Variants in SLC35F1 observed in about 807,000 individuals in gnomAD.
The protein encoded by SLC35F1 is chromosome 6 open reading frame 169.
In SLC35F1, 14 loss-of-function variants were observed where a neutral mutation model predicts 48.7. That is an observed-to-expected ratio of 0.29 (90% confidence interval 0.19 to 0.45). The LOEUF (loss-of-function observed/expected upper bound fraction) is 0.45, where lower values mean the gene tolerates loss of function less well. Among genes scored for constraint, SLC35F1 ranks in the 20% least tolerant of loss-of-function variants. The pLI is 1.00. For synonymous variants in SLC35F1, 190 were observed against 202.2 expected (o/e 0.94, Z 0.51); for missense variants, 404 against 500.0 (o/e 0.81, Z 1.83).
intron 7 of SLC35F1, among the ~76,000 whole-genome samples, chr6:118,299,875 C>T (rs1776235745): frequency 6.6e-6 from 1 of 152,200 alleles, no homozygotes; most frequent in African/African-American, 2.4e-5. Context: ...ACCAGTTACA[C>T]AGCCTCGTGC....
At chr6:117,973,647 G>A (rs1421373768) in intron 1 of SLC35F1, among the ~76,000 whole-genome samples, 2 of 151,968 alleles carry the variant, frequency 1.3e-5, no homozygotes, top group African/African-American at 4.8e-5. Flanking sequence ...TTGCAGCCTA[G>A]AACTCCTAGG....
At chr6:118,184,247 C>T (rs1774624931) in intron 2 of SLC35F1, among the ~76,000 whole-genome samples, 1 of 152,148 alleles carries the variant, frequency 6.6e-6, no homozygotes, top group African/African-American at 2.4e-5. Context: ...GTGCCAGTGT[C>T]CTGGAAAAAC....
chr6:118,264,838 C>T (rs78017252), intron 3 of SLC35F1, among the ~76,000 whole-genome samples: 6,082 of 152,320 alleles, frequency 0.04, 422 homozygotes, highest in African/African-American at 0.14. Context: ...ACTGAAATAG[C>T]ATCTGAGGCT....
intron 1 of SLC35F1, among the ~76,000 whole-genome samples, chr6:117,924,519 T>TAC (rs1776002935): frequency 8.3e-6 from 1 of 120,852 alleles, no homozygotes; most frequent in Non-Finnish European, 1.8e-5. Flanking sequence ...TATACATATA[T>TAC]ATATGTCAAG....
At chr6:118,140,593 C>CTTTTGTT (rs746621686) in intron 1 of SLC35F1, among the ~76,000 whole-genome samples, 1 of 94,412 alleles carries the variant, frequency 1.1e-5, no homozygotes, top group Non-Finnish European at 2.4e-5. Context: ...GAGTGTATTC[C>CTTTTGTT]TTATATTTTT....
At chr6:118,180,527 C>T (rs1196453531) in intron 2 of SLC35F1, among the ~76,000 whole-genome samples, 1 of 151,680 alleles carries the variant, frequency 6.6e-6, no homozygotes, top group Non-Finnish European at 1.5e-5. Context: ...AAAAAAACAA[C>T]AAATAGAATT....
intron 1 of SLC35F1, among the ~76,000 whole-genome samples, chr6:117,972,066 C>T (rs1377864170): frequency 6.6e-6 from 1 of 152,216 alleles, no homozygotes; most frequent in East Asian, 1.9e-4. Flanking sequence ...CTTTCATGCT[C>T]TGCTTCCTTT....
chr6:118,007,423 T>C (rs371244528), intron 1 of SLC35F1, among the ~76,000 whole-genome samples: 6 of 152,128 alleles, frequency 3.9e-5, no homozygotes, highest in Admixed American at 2.6e-4. Flanking sequence ...TGCTAGGCAA[T>C]GGAGGGCATG....
At chr6:117,913,543 A>G (rs977324394) in intron 1 of SLC35F1, among the ~76,000 whole-genome samples, 1 of 152,224 alleles carries the variant, frequency 6.6e-6, no homozygotes, top group Non-Finnish European at 1.5e-5. Flanking sequence ...TCAATATGCA[A>G]TGCGTATTAA....
intron 2 of SLC35F1, among the ~76,000 whole-genome samples, chr6:118,219,258 T>C (rs1387943264): frequency 2.0e-5 from 3 of 152,248 alleles, no homozygotes; most frequent in African/African-American, 7.2e-5. Flanking sequence ...TTTCAGGATT[T>C]ATTTGTAATA....
intron 1 of SLC35F1, among the ~76,000 whole-genome samples, chr6:118,129,838 C>G (rs559072938): frequency 6.6e-6 from 1 of 152,160 alleles, no homozygotes; most frequent in South Asian, 2.1e-4. Context: ...GAATCCTATA[C>G]TGTGCCTTCT....
At chr6:118,138,781 A>G (rs1773836980) in intron 1 of SLC35F1, among the ~76,000 whole-genome samples, 1 of 152,084 alleles carries the variant, frequency 6.6e-6, no homozygotes, top group Non-Finnish European at 1.5e-5. Flanking sequence ...CATTTCATGC[A>G]TAAACAACCT....
intron 1 of SLC35F1, among the ~76,000 whole-genome samples, chr6:117,954,009 T>C (rs1776396154): frequency 6.6e-6 from 1 of 152,206 alleles, no homozygotes; most frequent in African/African-American, 2.4e-5. Flanking sequence ...TTCAGCCTTA[T>C]AGATTTCAAA....
chr6:118,247,221 T>C (rs184250090), intron 3 of SLC35F1, among the ~76,000 whole-genome samples: 51 of 152,346 alleles, frequency 3.3e-4, no homozygotes, highest in African/African-American at 1.1e-3. Flanking sequence ...AGTGAAAGAA[T>C]TTGCTGGAGA....
intron 3 of SLC35F1, among the ~76,000 whole-genome samples, chr6:118,264,474 C>G (rs1445102509): frequency 6.6e-6 from 1 of 152,186 alleles, no homozygotes; most frequent in South Asian, 2.1e-4. Context: ...TTTGCACTTA[C>G]CCACAGGACC....
At chr6:118,115,112 A>G (rs1253868396) in intron 1 of SLC35F1, among the ~76,000 whole-genome samples, 1 of 152,220 alleles carries the variant, frequency 6.6e-6, no homozygotes, top group Admixed American at 6.5e-5. Flanking sequence ...TGGCTGGTCC[A>G]GCAGAGTGTT....
intron 1 of SLC35F1, among the ~76,000 whole-genome samples, chr6:117,923,734 T>C (rs1326778503): frequency 1.3e-3 from 114 of 89,842 alleles, no homozygotes; most frequent in African/African-American, 4.4e-3. Flanking sequence ...TACATATGTA[T>C]ATATACATAT....
At chr6:118,142,273 A>C (rs1411796331) in intron 1 of SLC35F1, among the ~76,000 whole-genome samples, 1 of 152,158 alleles carries the variant, frequency 6.6e-6, no homozygotes, top group Admixed American at 6.5e-5. Flanking sequence ...AATTTAATGT[A>C]TATATTTAAG....
chr6:118,313,801 C>G (rs1776398314), intron 7 of SLC35F1, among the ~76,000 whole-genome samples: 1 of 152,134 alleles, frequency 6.6e-6, no homozygotes, highest in South Asian at 2.1e-4. Context: ...AGATGATTAG[C>G]TAAGTGTTCC....
Sources: allele counts gnomAD v4.1 joint callset (sites outside exome capture counted in the v4.1 genomes callset), GRCh38; gene constraint gnomAD v4.1.1; transcripts MANE v1.5; gene names NCBI Gene and HGNC (gene_info 2026-07-23, HGNC 2026-07-21).